MCC: variants seen among roughly 807,000 people sequenced by gnomAD.
MCC encodes the protein colorectal mutant cancer protein.
In MCC, 90 loss-of-function variants were observed where a neutral mutation model predicts 116.2. That is an observed-to-expected ratio of 0.77 (90% CI 0.65 to 0.92). The LOEUF is 0.92. Ranked by LOEUF, MCC falls within the 40% of genes least tolerant of loss-of-function variation. The probability of loss-of-function intolerance (pLI) is 0.00; values close to 1 mark genes in which losing one functional copy is unlikely to be tolerated. For synonymous variants in MCC, 578 were observed against 510.5 expected, an observed-to-expected ratio of 1.13 and a Z score of -1.78; for missense variants, 1,516 against 1,312.2, an observed-to-expected ratio of 1.16 and a Z score of -2.40.
chr5:113,310,781 T>G (rs1461714280), intron 3 of MCC, among the ~76,000 whole-genome samples: 1 of 152,244 alleles, frequency 6.6e-6, no homozygotes, highest in Non-Finnish European at 1.5e-5. Context: ...ATAACAATAT[T>G]GGACTAATTT....
At chr5:113,403,045 T>C (rs557865493) in intron 1 of MCC, among the ~76,000 whole-genome samples, 1 of 152,266 alleles carries the variant, frequency 6.6e-6, no homozygotes, top group African/African-American at 2.4e-5. Flanking sequence ...AAGACTTTCA[T>C]AGCAATTTGG....
intron 3 of MCC, among the ~76,000 whole-genome samples, chr5:113,273,971 A>G (rs1342144920): frequency 6.6e-6 from 1 of 152,192 alleles, no homozygotes; most frequent in African/African-American, 2.4e-5. Context: ...TATTATGTGT[A>G]TGACTGACAT....
chr5:113,239,928 C>T (rs1447491006), intron 3 of MCC, among the ~76,000 whole-genome samples: 1 of 152,184 alleles, frequency 6.6e-6, no homozygotes, highest in East Asian at 1.9e-4. Flanking sequence ...TGAGTCTCCA[C>T]ACAGAGCTCA....
At chr5:113,187,319 G>A (rs1294108427) in intron 3 of MCC, among the ~76,000 whole-genome samples, 1 of 152,102 alleles carries the variant, frequency 6.6e-6, no homozygotes, top group East Asian at 1.9e-4. Context: ...ATGTTGGCCA[G>A]GCTCATTTTG....
chr5:113,288,315 T>C (rs953118603), intron 3 of MCC, among the ~76,000 whole-genome samples: 7 of 152,228 alleles, frequency 4.6e-5, no homozygotes, highest in Non-Finnish European at 8.8e-5. Context: ...ATTCTTAAGA[T>C]ATTTAAAGCT....
At chr5:113,257,213 T>C (rs1391560291) in intron 3 of MCC, among the ~76,000 whole-genome samples, 12 of 152,162 alleles carry the variant, frequency 7.9e-5, no homozygotes. Flanking sequence ...AGGTACCACT[T>C]CTGGTCATCC....
At chr5:113,285,083 A>G (rs557966965) in intron 3 of MCC, among the ~76,000 whole-genome samples, 1 of 152,324 alleles carries the variant, frequency 6.6e-6, no homozygotes, top group East Asian at 1.9e-4. Flanking sequence ...ATGAATTCAC[A>G]TACACTGAAG....
At chr5:113,431,416 TG>T (rs1770640190) in intron 1 of MCC, among the ~76,000 whole-genome samples, 1 of 152,248 alleles carries the variant, frequency 6.6e-6, no homozygotes, top group African/African-American at 2.4e-5. Flanking sequence ...GCCTCTCTCC[TG>T]GGCACCAGTC....
At chr5:113,425,871 G>A (rs541324721) in intron 1 of MCC, among the ~76,000 whole-genome samples, 3 of 152,118 alleles carry the variant, frequency 2.0e-5, no homozygotes, top group Non-Finnish European at 2.9e-5. Context: ...GAAGTGGATG[G>A]AGGGAAGATG....
At chr5:113,481,159 C>T (rs1168741546) in intron 1 of MCC, among the ~76,000 whole-genome samples, 1 of 152,154 alleles carries the variant, frequency 6.6e-6, no homozygotes, top group African/African-American at 2.4e-5. Flanking sequence ...TTATTTTAAA[C>T]AATTTGATTA....
At chr5:113,429,628 G>C (rs1770575125) in intron 1 of MCC, among the ~76,000 whole-genome samples, 1 of 151,894 alleles carries the variant, frequency 6.6e-6, no homozygotes, top group Non-Finnish European at 1.5e-5. Flanking sequence ...CCCTCATTCA[G>C]TGTTAGTGCC....
At chr5:113,236,752 A>T (rs1177698000) in intron 3 of MCC, among the ~76,000 whole-genome samples, 3 of 152,182 alleles carry the variant, frequency 2.0e-5, no homozygotes, top group Admixed American at 6.5e-5. Context: ...AGAAGAATAC[A>T]CAGAGAGGAG....
At chr5:113,089,290 T>C (rs1755432227) in intron 8 of MCC, among the ~76,000 whole-genome samples, 1 of 152,204 alleles carries the variant, frequency 6.6e-6, no homozygotes, top group African/African-American at 2.4e-5. Flanking sequence ...TCTTGAAGGC[T>C]GAACTGTTCA....
chr5:113,061,746 G>A (rs1161521433), intron 14 of MCC, among the ~76,000 whole-genome samples: 1 of 152,188 alleles, frequency 6.6e-6, no homozygotes, highest in Non-Finnish European at 1.5e-5. Flanking sequence ...ACCCTTGAGG[G>A]GCAGTTGATG....
chr5:113,456,782 C>CTT (rs111791676), intron 1 of MCC, among the ~76,000 whole-genome samples: 8 of 146,824 alleles, frequency 5.4e-5, no homozygotes, highest in South Asian at 2.2e-4. Context: ...ATGAGCACTA[C>CTT]TTTTTTTTTT....
At chr5:113,172,922 A>C (rs1761147345) in intron 3 of MCC, among the ~76,000 whole-genome samples, 1 of 151,750 alleles carries the variant, frequency 6.6e-6, no homozygotes, top group African/African-American at 2.4e-5. Context: ...CATTTTCTTG[A>C]TTATTTCAGG....
At chr5:113,273,741 A>T (rs1765705242) in intron 3 of MCC, among the ~76,000 whole-genome samples, 1 of 152,226 alleles carries the variant, frequency 6.6e-6, no homozygotes, top group East Asian at 1.9e-4. Flanking sequence ...GTATTAAGCA[A>T]ATGAATGCAA....
At chr5:113,078,153 G>A (rs1338807871) in intron 11 of MCC, among the ~76,000 whole-genome samples, 1 of 152,158 alleles carries the variant, frequency 6.6e-6, no homozygotes, top group Admixed American at 6.5e-5. Flanking sequence ...TGAAATTGAG[G>A]CAATAATTAA....
intron 3 of MCC, among the ~76,000 whole-genome samples, chr5:113,331,591 T>C (rs561197481): frequency 6.6e-6 from 1 of 150,832 alleles, no homozygotes; most frequent in Admixed American, 6.6e-5. Flanking sequence ...GAAATTATTA[T>C]TTTTTTCATG....
Sources: gnomAD v4.1 joint callset for allele counts (sites outside exome capture counted in the v4.1 genomes callset) on GRCh38, gnomAD v4.1.1 for gene constraint, MANE v1.5 for transcripts, NCBI Gene and HGNC (gene_info 2026-07-23, HGNC 2026-07-21) for gene names.